NAPA: variants seen among roughly 807,000 people sequenced by gnomAD.
NAPA encodes alpha-soluble NSF attachment protein.
Under a neutral mutation model 48.0 loss-of-function variants are expected in NAPA, and 18 were observed. The ratio of observed to expected loss-of-function variants is 0.38; its 90% CI spans 0.26 to 0.56. The LOEUF is 0.56. Among genes scored for constraint, NAPA ranks in the 20% least tolerant of loss-of-function variants. The pLI is 0.77. For missense variants in NAPA, 315 were observed against 385.0 expected (o/e 0.82, Z 1.52); for synonymous variants, 152 against 149.9 (o/e 1.01, Z -0.10).
At position 47,490,958 on chromosome 19, in the gene NAPA, T is replaced by C. The variant is rs532111493; in HGVS notation, c.667-102A>G. On this transcript the variant is annotated intron_variant, in intron 8 of 10. Transcript: ENST00000263354. ...CTTGGGGATGTCGGGTGATATTGAG[T>C]CAGCTCTTGCACCCCTCCCCCAGCC... 5.0e-6 allele frequency: 5 copies of C among 998,110 alleles called. No homozygotes were observed. The Admixed American group carries it at 1.1e-4, about 21-fold the overall frequency. The allele number at this position is 998,110 out of a possible 1,614,324, so 61.8% of individuals were successfully genotyped here.
At chr19:47,484,684 C>T (rs1968017744), downstream of NAPA, among the ~76,000 whole-genome samples, 1 of 150,884 alleles carries the variant, frequency 6.6e-6, no homozygotes, top group Non-Finnish European at 1.5e-5. Flanking sequence ...GGAAACCAAA[C>T]AAGGTAACTC....
At chr19:47,490,981 G>A (rs1968250546) in intron 8 of NAPA, 125 bp from the exon 9 acceptor site, 4 of 733,342 alleles carry the variant, frequency 5.5e-6, no homozygotes, top group East Asian at 2.8e-5. Context: ...CCCTCCCCCA[G>A]CCTCAGGTGT....
intron 3 of NAPA, 104 bp from the exon 4 acceptor site, chr19:47,495,700 G>A: frequency 9.5e-7 from 1 of 1,051,680 alleles, no homozygotes; most frequent in South Asian, 1.3e-5. Flanking sequence ...CCAGCAGAGA[G>A]ATCAATAGGC....
chr19:47,511,974 C>T (rs1327815065), intron 1 of NAPA, among the ~76,000 whole-genome samples: 1 of 152,178 alleles, frequency 6.6e-6, no homozygotes, highest in Non-Finnish European at 1.5e-5. Flanking sequence ...ATCTTCAGTG[C>T]CTCCTCCAGG....
intron 3 of NAPA, among the ~76,000 whole-genome samples, chr19:47,499,385 A>C (rs368800058): frequency 3.7e-4 from 56 of 152,358 alleles, no homozygotes; most frequent in Middle Eastern, 6.8e-3. Flanking sequence ...GAGCAGAAGG[A>C]AAGGCTTGGC....
chr19:47,494,832 C>T (rs1378243918), intron 4 of NAPA, among the ~76,000 whole-genome samples: 1 of 151,742 alleles, frequency 6.6e-6, no homozygotes, highest in Non-Finnish European at 1.5e-5. Context: ...TTGGCAGCTG[C>T]CCATCTGGTC....
Position 47,500,691 on chromosome 19 carries a change from G to T in NAPA, c.237C>A (p.His79Gln). 1 of 1,612,088 alleles carries T rather than the reference G, an allele frequency of 6.2e-7. No homozygotes were observed. Among genetic ancestry groups the T allele is most frequent in the Non-Finnish European group, 8.5e-7 (1 of 1,179,090 alleles). The change falls in exon 3 of 11, where the codon CAC becomes CAA. Residue 79 changes from histidine (H) to glutamine (Q), a missense_variant. His to Gln is a conservative substitution (Grantham distance 24). This residue lies in a region of NAPA where 173 missense variants were observed against 213.5 expected (regional missense o/e 0.81). Transcript: ENST00000263354. ...AQLHLQLQSK[H>Q]DAATCFVDAG... ...CGTCCACAAAGCAGGTGGCTGCGTC[G>T]TGCTTGCTCTGGAGCTGCAGGTGCA...
Position 47,493,984 on chromosome 19 carries a change from C to T in NAPA, c.343-491G>A, listed in dbSNP as rs573340803. On this transcript the variant is annotated intron_variant, in intron 4 of 10. Transcript: ENST00000263354. The surrounding 1 kb of genome is among the most constrained non-coding windows in gnomAD (Gnocchi z 6.4). The stretch of plus-strand genomic sequence containing the variant: ...GGCCAACACCTATCTGTCAGCCTCC[C>T]CCAGGCACACCCAGAGCTCCCCAGG... Among the ~76,000 whole-genome samples the T allele has an allele frequency of 6.6e-6, 1 of 152,340 alleles. No homozygotes were observed. Among genetic ancestry groups the T allele is most frequent in the Admixed American group, 6.5e-5 (1 of 15,302 alleles).
chr19:47,489,855 C>G (rs1159183557), intron 9 of NAPA, 94 bp from the exon 10 acceptor site: 1 of 1,278,510 alleles, frequency 7.8e-7, no homozygotes. Flanking sequence ...TATGCCAGGC[C>G]TGGGGCTGGG....
At chr19:47,489,681 G>A (rs781231606) in intron 10 of NAPA, 30 bp downstream of exon 10, 1 of 1,613,110 alleles carries the variant, frequency 6.2e-7, no homozygotes, top group South Asian at 1.1e-5. Context: ...TCCCCGTGAA[G>A]GGGCCTGGCC....
At chr19:47,494,030 G>A (rs1334033851) in intron 4 of NAPA, among the ~76,000 whole-genome samples, 2 of 152,198 alleles carry the variant, frequency 1.3e-5, no homozygotes, top group Non-Finnish European at 2.9e-5. Context: ...GTTCCAAGGG[G>A]CCTCGCACCT....
At chr19:47,503,270 C>A in intron 2 of NAPA, 153 bp downstream of exon 2, 1 of 689,990 alleles carries the variant, frequency 1.4e-6, no homozygotes, top group South Asian at 1.7e-5. Context: ...CCAGCAGGCA[C>A]AAAACAAGAG....
rs376431335 is a variant in NAPA, at chr19:47,492,940, G to A, written c.561+21C>T. 6.3e-5 allele frequency: 102 copies of A among 1,612,396 alleles called. No homozygotes were observed. The East Asian group carries it at 1.2e-3, about 19-fold the overall frequency. On this transcript the variant is annotated intron_variant, in intron 7 of 10. Coordinates refer to ENST00000263354, the MANE Select transcript of NAPA (RefSeq NM_003827.4). ...CCTGAGAGGGGGCAGGGTGGAAGCCGCCATCCCCACCTGTCCCCACCTGTT... is the reference window on the plus strand; with the variant it reads ...CCTGAGAGGGGGCAGGGTGGAAGCCACCATCCCCACCTGTCCCCACCTGTT...
chr19:47,513,107 G>A (rs1307607704), intron 1 of NAPA, among the ~76,000 whole-genome samples: 5 of 152,014 alleles, frequency 3.3e-5, no homozygotes, highest in African/African-American at 1.2e-4. Context: ...CGTCCCATCA[G>A]CACAGATCCC....
downstream of NAPA, among the ~76,000 whole-genome samples, chr19:47,485,013 C>T (rs184445053): frequency 6.6e-6 from 1 of 152,182 alleles, no homozygotes; most frequent in East Asian, 1.9e-4. Flanking sequence ...AGTTCATAAT[C>T]TTAACAGTAT....
In NAPA at chr19:47,488,267, C is replaced by A; in HGVS notation, c.*21G>T. On this transcript the variant is annotated 3_prime_UTR_variant, in exon 11 of 11. Transcript: ENST00000263354. ...TGAGCAGATGGGACAGGAAGACGGG[C>A]ACTGGGGGGCTGGGTGGGGCTTAGC... 6.3e-7 allele frequency: 1 copy of A among 1,594,692 alleles called. No homozygotes were observed.
At chr19:47,497,432 C>T (rs1163846113) in intron 3 of NAPA, 1 of 152,556 alleles carries the variant, frequency 6.6e-6, no homozygotes, top group Non-Finnish European at 1.5e-5. Context: ...GTTAAGTCCC[C>T]TCCATGTCTG....
chr19:47,493,132 C>A lies in NAPA; in HGVS notation c.463G>T (p.Glu155Ter), dbSNP rs762920724. 1.9e-6 allele frequency: 3 copies of A among 1,612,112 alleles called. No individual in the cohort carries two copies. The highest frequency in any genetic ancestry group is 1.3e-5 in the African/African-American group (1 of 74,854). The change falls in exon 6 of 11, where the codon GAG becomes TAG. Residue 155 changes from glutamate (E) to a stop codon, truncating the protein, a stop_gained. Transcript: ENST00000263354. LOFTEE classifies it high-confidence loss of function. The surrounding 1 kb of genome is among the most constrained non-coding windows in gnomAD (Gnocchi z 6.4). ...GAAGGGGGCTACCTGTTGGACTCCT[C>A]GCCTTTGTAGTAGTCTGCAGACTGC... ...YEQSADYYKGEESNSSANKCL... is the reference protein window; with the variant it reads ...YEQSADYYKG
chr19:47,503,591 T>C (rs1968631357), intron 1 of NAPA, 89 bp from the exon 2 acceptor site: 1 of 1,244,410 alleles, frequency 8.0e-7, no homozygotes, highest in Non-Finnish European at 1.2e-6. Context: ...GGCACAGACG[T>C]GCCCCTACCC....
Sources: gnomAD v4.1 joint callset for allele counts (sites outside exome capture counted in the v4.1 genomes callset) on GRCh38, gnomAD v4.1.1 for gene constraint, gnomAD v4.1.1 regional missense constraint, Gnocchi (gnomAD v3.1) non-coding constraint, MANE v1.5 for transcripts, NCBI Gene and HGNC (gene_info 2026-07-23, HGNC 2026-07-21) for gene names.